SEC63: variants seen among roughly 807,000 people sequenced by gnomAD.
SEC63 encodes translocation protein SEC63 homolog.
A neutral mutation model predicts 116.2 loss-of-function variants in SEC63; 56 were observed. That is an observed-to-expected ratio of 0.48 (90% CI 0.39 to 0.60). SEC63 has a LOEUF of 0.60. SEC63 is among the 20% of genes least tolerant of loss of function. SEC63 has a pLI of 0.00. For synonymous variants in SEC63, 273 were observed against 294.6 expected, an observed-to-expected ratio of 0.93 and a Z score of 0.75; for missense variants, 668 against 900.0, an observed-to-expected ratio of 0.74 and a Z score of 3.30.
At chr6:107,885,886 T>C (rs1786515746) in intron 16 of SEC63, among the ~76,000 whole-genome samples, 1 of 152,126 alleles carries the variant, frequency 6.6e-6, no homozygotes, top group East Asian at 1.9e-4. Flanking sequence ...TACTTAAAGT[T>C]CTGGGGTACA....
intron 18 of SEC63, among the ~76,000 whole-genome samples, chr6:107,879,875 G>A (rs1451975824): frequency 6.6e-6 from 1 of 152,072 alleles, no homozygotes; most frequent in Admixed American, 6.6e-5. Flanking sequence ...ACAGGCATGA[G>A]CCACAGCACT....
intron 1 of SEC63, among the ~76,000 whole-genome samples, chr6:107,953,541 C>T (rs1258034383): frequency 1.4e-5 from 2 of 140,552 alleles, no homozygotes; most frequent in Admixed American, 6.9e-5. Flanking sequence ...GCCCCCCGCC[C>T]GGCCAGCCGC....
chr6:107,899,432 T>G (rs185235478), intron 13 of SEC63, among the ~76,000 whole-genome samples: 1 of 152,332 alleles, frequency 6.6e-6, no homozygotes, highest in East Asian at 1.9e-4. Context: ...GCATGTACTT[T>G]TGGCCAGGCA....
At chr6:107,887,654 C>A (rs534143177) in intron 16 of SEC63, among the ~76,000 whole-genome samples, 1 of 151,820 alleles carries the variant, frequency 6.6e-6, no homozygotes, top group African/African-American at 2.4e-5. Flanking sequence ...TGCTAGATGA[C>A]GAGTTAGTGG....
intron 5 of SEC63, among the ~76,000 whole-genome samples, 195 bp from the exon 6 acceptor site, chr6:107,912,969 A>G (rs181941676): frequency 1.8e-4 from 28 of 152,334 alleles, no homozygotes; most frequent in Middle Eastern, 3.4e-3. Flanking sequence ...CTGAAACTTC[A>G]AATTTTTCAA....
In SEC63 at chr6:107,926,913, C is replaced by T. The variant is rs1787688310; in HGVS notation, c.225-1981G>A. Reference sequence around the variant, plus strand: ...AATTACCACAACCAATAAAGCCATGCTCTACAGTTTCCTGAGAGCCAAAGC... The same window carrying T: ...AATTACCACAACCAATAAAGCCATGTTCTACAGTTTCCTGAGAGCCAAAGC... On this transcript the variant is annotated intron_variant, in intron 2 of 20. Coordinates refer to ENST00000369002, the MANE Select transcript of SEC63 (RefSeq NM_007214.5). Among the ~76,000 whole-genome samples the T allele has an allele frequency of 2.0e-5, 3 of 152,304 alleles. No individual in the cohort carries two copies. In the South Asian group the frequency reaches 6.2e-4, roughly 32 times the overall value.
At chr6:107,894,160 G>A (rs1473452773) in intron 14 of SEC63, among the ~76,000 whole-genome samples, 1 of 152,160 alleles carries the variant, frequency 6.6e-6, no homozygotes, top group Non-Finnish European at 1.5e-5. Flanking sequence ...GATACATACA[G>A]TAAAAATATT....
In SEC63 at chr6:107,871,106, AGAAAAG is replaced by A. The variant is rs1786122416; in HGVS notation, c.*592_*597del. The A allele has an allele frequency of 6.5e-6, 1 of 154,756 alleles. No homozygotes were observed. The highest frequency in any genetic ancestry group is 6.4e-5 in the Admixed American group (1 of 15,650). 9.6% of individuals were successfully genotyped at this position (154,756 alleles called of 1,614,324 possible). A position where few individuals can be genotyped will look rare whatever the true frequency, so the allele number is the denominator to read the frequency against. On this transcript the variant is annotated 3_prime_UTR_variant, in exon 21 of 21. Coordinates refer to ENST00000369002, the MANE Select transcript of SEC63 (RefSeq NM_007214.5). ...TCTGTCTGATAACTCTGGGCAATTA[AGAAAAG>A]GAAAATTCCAAAACGTAGCCCTCTA... is the stretch of plus-strand genomic sequence containing the variant.
chr6:107,949,600 G>C (rs1435652544), intron 1 of SEC63, among the ~76,000 whole-genome samples: 2 of 152,152 alleles, frequency 1.3e-5, no homozygotes, highest in Non-Finnish European at 2.9e-5. Context: ...TATGCCTATA[G>C]AAAACAAATA....
At chr6:107,902,485 T>A (rs910523482) in intron 12 of SEC63, among the ~76,000 whole-genome samples, 2 of 152,068 alleles carry the variant, frequency 1.3e-5, no homozygotes, top group Non-Finnish European at 2.9e-5. Context: ...TTATTAAATG[T>A]TTTTGTTGTT....
intron 1 of SEC63, among the ~76,000 whole-genome samples, chr6:107,938,132 C>T (rs1177712548): frequency 6.6e-6 from 1 of 152,084 alleles, no homozygotes; most frequent in East Asian, 1.9e-4. Flanking sequence ...AAGCTAAAAA[C>T]CACAGCAATT....
chr6:107,890,004 T>C (rs1432950578), intron 16 of SEC63, among the ~76,000 whole-genome samples: 1 of 152,234 alleles, frequency 6.6e-6, no homozygotes, highest in East Asian at 1.9e-4. Context: ...CTTCCAATTA[T>C]GCTGTCAATT....
At chr6:107,897,755 CA>C in intron 13 of SEC63, 24 bp from the exon 14 acceptor site, 1 of 1,499,020 alleles carries the variant, frequency 6.7e-7, no homozygotes, top group Non-Finnish European at 9.3e-7. Context: ...AGAAAAAAAA[CA>C]GCAAAAAATA....
At chr6:107,874,425 T>C (rs1786206829) in intron 19 of SEC63, among the ~76,000 whole-genome samples, 1 of 151,766 alleles carries the variant, frequency 6.6e-6, no homozygotes, top group Non-Finnish European at 1.5e-5. Context: ...AAACCCCGTC[T>C]CTACTAAAAA....
intron 20 of SEC63, 139 bp downstream of exon 20, chr6:107,872,669 A>T: frequency 1.6e-6 from 1 of 618,614 alleles, no homozygotes; most frequent in South Asian, 1.9e-5. Flanking sequence ...AGAGTAGTCC[A>T]TCAAGTATAT....
At chr6:107,902,713 G>T in intron 12 of SEC63, 131 bp downstream of exon 12, 1 of 867,984 alleles carries the variant, frequency 1.2e-6, no homozygotes, top group Non-Finnish European at 1.9e-6. Context: ...CTGAGAGAAA[G>T]TTTTAGAGTA....
intron 1 of SEC63, among the ~76,000 whole-genome samples, chr6:107,953,806 CCCCCGCCCGGCCAGCCGCCCCG>C (rs1367469400): frequency 4.9e-5 from 3 of 61,328 alleles, no homozygotes; most frequent in Non-Finnish European, 1.1e-4. Flanking sequence ...GGGTGTGAGC[CCCCCGCCCGGCCAGCCGCCCCG>C]TCCGGGAGGG....
At chr6:107,911,526 C>G in intron 6 of SEC63, 130 bp from the exon 7 acceptor site, 1 of 707,050 alleles carries the variant, frequency 1.4e-6, no homozygotes, top group Non-Finnish European at 2.5e-6. Context: ...CTTGTTTAAT[C>G]CTTATTCTCA....
At position 107,881,209 on chromosome 6, in the gene SEC63, T is replaced by G; in HGVS notation, c.1875A>C (p.Arg625Ser). The change falls in exon 18 of 21, where the codon AGA becomes AGC. Residue 625 changes from arginine (R) to serine (S), a missense_variant. Arg to Ser is a moderately radical substitution (Grantham distance 110). This residue lies in a region of SEC63 where 430 missense variants were observed against 557.5 expected (regional missense o/e 0.77). Transcript: ENST00000369002. ...TTTTTGATTTGGTTTCCAATAGAGC[T>G]CTCTCTTTTCGCTGTATGCTTTGTT... ...ELQQSIQRKE[R>S]ALLETKSKIT... 1.2e-6 allele frequency: 2 copies of G among 1,613,152 alleles called. No individual in the cohort carries two copies. The highest frequency in any genetic ancestry group is 1.7e-6 in the Non-Finnish European group (2 of 1,179,684).
Sources: gnomAD v4.1 joint callset for allele counts (sites outside exome capture counted in the v4.1 genomes callset) on GRCh38, gnomAD v4.1.1 for gene constraint, gnomAD v4.1.1 regional missense constraint, MANE v1.5 for transcripts, NCBI Gene and HGNC (gene_info 2026-07-23, HGNC 2026-07-21) for gene names.